The following CSRNP3 variants were observed in gnomAD, a reference collection of about 807,000 sequenced individuals.
CSRNP3 encodes cysteine/serine-rich nuclear protein 3.
Under a neutral mutation model 48.0 loss-of-function variants are expected in CSRNP3, and 12 were observed. The observed-to-expected ratio is 0.25, with a 90% CI of 0.16 to 0.41. The LOEUF (loss-of-function observed/expected upper bound fraction) is 0.41, where lower values mean the gene tolerates loss of function less well. CSRNP3 is among the 10% of genes least tolerant of loss of function. The probability of loss-of-function intolerance (pLI) is 1.00; values close to 1 mark genes in which losing one functional copy is unlikely to be tolerated. For synonymous variants in CSRNP3, 263 were observed against 269.7 expected (o/e 0.98, Z 0.24); for missense variants, 580 against 724.4 (o/e 0.80, Z 2.29).
chr2:165,511,022 A>G (rs542352417), intron 2 of CSRNP3, among the ~76,000 whole-genome samples: 10 of 152,224 alleles, frequency 6.6e-5, no homozygotes, highest in Non-Finnish European at 1.2e-4. Context: ...GAAATAAACT[A>G]GGATTGTGTG....
rs201086270 is a variant in CSRNP3, at chr2:165,652,497, T to TAA, written c.149-5252_149-5251dup. 1.6e-3 allele frequency among the ~76,000 whole-genome samples: 237 copies of TAA among 147,040 alleles called. 1 individual carries two copies. Among genetic ancestry groups the TAA allele is most frequent in the Admixed American group, 4.8e-3 (71 of 14,806 alleles). On this transcript the variant is annotated intron_variant, in intron 4 of 6. Transcript: ENST00000651982. ...CTGGTAACAGAGCAAGACTCAATCT[T>TAA]AAAAAAAAAAAAATGGTATCAAGTA...
chr2:165,521,853 C>A (rs1246185869), intron 3 of CSRNP3, among the ~76,000 whole-genome samples: 1 of 152,062 alleles, frequency 6.6e-6, no homozygotes, highest in Non-Finnish European at 1.5e-5. Context: ...AGGCATTGAC[C>A]GATGTCCCCT....
intron 3 of CSRNP3, among the ~76,000 whole-genome samples, chr2:165,519,741 C>T (rs1684627130): frequency 6.6e-6 from 1 of 151,796 alleles, no homozygotes; most frequent in Non-Finnish European, 1.5e-5. Context: ...CCATTCTTGC[C>T]TGAGTGGAAA....
intron 3 of CSRNP3, among the ~76,000 whole-genome samples, chr2:165,558,916 G>A (rs183276203): frequency 1.4e-4 from 22 of 152,098 alleles, no homozygotes; most frequent in East Asian, 5.8e-4. Context: ...TTAATCTTCC[G>A]ATAGGCATAG....
At chr2:165,642,850 C>G (rs1406499920) in intron 4 of CSRNP3, among the ~76,000 whole-genome samples, 1 of 152,202 alleles carries the variant, frequency 6.6e-6, no homozygotes, top group Admixed American at 6.5e-5. Context: ...ACGTGAGCCA[C>G]CACGCCCAGC....
chr2:165,649,314 G>A (rs990760915), intron 4 of CSRNP3, among the ~76,000 whole-genome samples: 1 of 152,094 alleles, frequency 6.6e-6, no homozygotes, highest in Non-Finnish European at 1.5e-5. Flanking sequence ...GCTGCAATGT[G>A]CAAAAGACAT....
intron 3 of CSRNP3, among the ~76,000 whole-genome samples, chr2:165,546,678 C>G (rs1048026496): frequency 3.9e-5 from 6 of 152,118 alleles, no homozygotes; most frequent in Non-Finnish European, 7.4e-5. Flanking sequence ...ATGTAGAGCA[C>G]ATTTGAATGA....
At chr2:165,534,309 A>G (rs1684854063) in intron 3 of CSRNP3, among the ~76,000 whole-genome samples, 1 of 151,868 alleles carries the variant, frequency 6.6e-6, no homozygotes, top group Non-Finnish European at 1.5e-5. Flanking sequence ...TTTGGTATCT[A>G]TCTGTTTCTG....
chr2:165,592,702 A>G (rs1273268073), intron 3 of CSRNP3, among the ~76,000 whole-genome samples: 1 of 151,932 alleles, frequency 6.6e-6, no homozygotes, highest in Non-Finnish European at 1.5e-5. Context: ...CTCTTCTGCC[A>G]TGTGAAGAAG....
chr2:165,615,273 G>A (rs1288202556), intron 4 of CSRNP3, among the ~76,000 whole-genome samples: 1 of 152,134 alleles, frequency 6.6e-6, no homozygotes, highest in African/African-American at 2.4e-5. Context: ...GCCGGGTGTG[G>A]TGGCTTACCC....
Position 165,657,684 on chromosome 2 carries a change from C to G in CSRNP3, c.149-77C>G, listed in dbSNP as rs1409237192. 5 of 1,549,126 alleles carry G rather than the reference C, an allele frequency of 3.2e-6. No homozygotes were observed. In the Admixed American group the frequency reaches 8.6e-5, roughly 27 times the overall value. ...GGTTGGCCACAGATAGATTCAAGAT[C>G]ACCAAATGGCATTTTCTTGGCCTTG... On this transcript the variant is annotated intron_variant, in intron 4 of 6. Transcript: ENST00000651982.
chr2:165,506,949 T>G (rs1188327202), intron 2 of CSRNP3, among the ~76,000 whole-genome samples: 1 of 152,116 alleles, frequency 6.6e-6, no homozygotes, highest in Non-Finnish European at 1.5e-5. Context: ...AAAAATGTGT[T>G]GGGCCACCAA....
At position 165,681,726 on chromosome 2, in the gene CSRNP3, C is replaced by CACATAT. The variant is rs1183516974; in HGVS notation, c.*1974_*1975insCATATA. The CACATAT allele has an allele frequency of 1.1e-5, 1 of 93,654 alleles. No homozygotes were observed. The highest frequency in any genetic ancestry group is 3.6e-4 in the East Asian group (1 of 2,812). 5.8% of individuals were successfully genotyped at this position (93,654 alleles called of 1,614,324 possible). A position where few individuals can be genotyped will look rare whatever the true frequency, so the allele number is the denominator to read the frequency against. On this transcript the variant is annotated 3_prime_UTR_variant, in exon 7 of 7. Coordinates refer to ENST00000651982, the MANE Select transcript of CSRNP3 (RefSeq NM_001172173.2). ...AGGATTTGTTGAAATCTCAAATATA[C>CACATAT]ATATATATATATATATATATATATA...
chr2:165,557,296 G>A (rs1275578963), intron 3 of CSRNP3, among the ~76,000 whole-genome samples: 2 of 152,146 alleles, frequency 1.3e-5, no homozygotes, highest in Admixed American at 1.3e-4. Context: ...ATCTACAGCT[G>A]CCTTCGCATT....
intron 3 of CSRNP3, among the ~76,000 whole-genome samples, chr2:165,538,426 T>G (rs941259018): frequency 6.6e-6 from 1 of 151,892 alleles, no homozygotes; most frequent in African/African-American, 2.4e-5. Context: ...TTATATCTGC[T>G]GCCTCTCCTT....
chr2:165,479,285 G>A (rs1438206831), intron 1 of CSRNP3, among the ~76,000 whole-genome samples: 1 of 152,080 alleles, frequency 6.6e-6, no homozygotes, highest in African/African-American at 2.4e-5. Flanking sequence ...GTAATTCTAA[G>A]TATTCAAAAA....
Position 165,688,479 on chromosome 2 carries a change from T to G in CSRNP3, c.*8726T>G, listed in dbSNP as rs1687666635. 1 of 152,162 alleles carries G rather than the reference T, an allele frequency of 6.6e-6. No individual in the cohort carries two copies. The highest frequency in any genetic ancestry group is 1.5e-5 in the Non-Finnish European group (1 of 68,018). 9.4% of individuals were successfully genotyped at this position (152,162 alleles called of 1,614,324 possible). ...TATCAATTTGATAGATCATTTGACATTTGTCAAAAATACGTTTCCCATTTT... is the reference window on the plus strand; with the variant it reads ...TATCAATTTGATAGATCATTTGACAGTTGTCAAAAATACGTTTCCCATTTT... On this transcript the variant is annotated 3_prime_UTR_variant, in exon 7 of 7. Coordinates refer to ENST00000651982, the MANE Select transcript of CSRNP3 (RefSeq NM_001172173.2).
chr2:165,516,469 C>T (rs1684584080), intron 2 of CSRNP3, among the ~76,000 whole-genome samples: 1 of 151,920 alleles, frequency 6.6e-6, no homozygotes, highest in Non-Finnish European at 1.5e-5. Context: ...TACACTCTCA[C>T]CACAAAAATG....
At chr2:165,501,200 A>G (rs1339176336) in intron 2 of CSRNP3, among the ~76,000 whole-genome samples, 1 of 152,178 alleles carries the variant, frequency 6.6e-6, no homozygotes, top group Non-Finnish European at 1.5e-5. Context: ...CAGATGTCAT[A>G]CTTTTGGCTT....
Sources: allele counts gnomAD v4.1 joint callset (sites outside exome capture counted in the v4.1 genomes callset), GRCh38; gene constraint gnomAD v4.1.1; transcripts MANE v1.5; gene names NCBI Gene and HGNC (gene_info 2026-07-23, HGNC 2026-07-21).